ZMYM2: variants seen among roughly 807,000 people sequenced by gnomAD.
The protein encoded by ZMYM2 is zinc finger MYM-type containing 2.
Under a neutral mutation model 162.8 loss-of-function variants are expected in ZMYM2, and 56 were observed. The observed-to-expected ratio is 0.34, with a 90% CI of 0.28 to 0.43. The LOEUF is 0.43. Among genes scored for constraint, ZMYM2 ranks in the 20% least tolerant of loss-of-function variants. The pLI is 1.00. For synonymous variants in ZMYM2, 510 were observed against 541.6 expected, an observed-to-expected ratio of 0.94 and a Z score of 0.81; for missense variants, 1,275 against 1,621.8, an observed-to-expected ratio of 0.79 and a Z score of 3.67.
intron 2 of ZMYM2, among the ~76,000 whole-genome samples, chr13:19,962,914 A>T (rs1313522107): frequency 7.0e-6 from 1 of 142,660 alleles, no homozygotes; most frequent in African/African-American, 2.6e-5. Context: ...CTCCGCCTCC[A>T]GGGTTCAAGC....
In ZMYM2 at chr13:20,027,257, C is replaced by T; in HGVS notation, c.1790C>T (p.Ala597Val). 3.2e-6 allele frequency: 5 copies of T among 1,586,496 alleles called. No individual in the cohort carries two copies. The highest frequency in any genetic ancestry group is 4.3e-6 in the Non-Finnish European group (5 of 1,164,536). The stretch of plus-strand genomic sequence containing the variant: ...CGAAACTCTTTACCTCAATACCAAG[C>T]CACAATGCCTGATGGAAAACTGTAC... ...CKRNSLPQYQ[A>V]TMPDGKLYNF... is the part of the protein sequence containing the mutation. The change falls in exon 9 of 25, where the codon GCC becomes GTC. Residue 597 changes from alanine to valine, a missense_variant. This residue lies in a region of ZMYM2 where 276 missense variants were observed against 311.8 expected (regional missense o/e 0.89). Coordinates refer to ENST00000610343, the MANE Select transcript of ZMYM2 (RefSeq NM_197968.4).
the ZMYM2 span, among the ~76,000 whole-genome samples, chr13:19,918,611 G>T: frequency 7.0e-6 from 1 of 142,408 alleles, no homozygotes; most frequent in Non-Finnish European, 1.5e-5. Flanking sequence ...CGATTCTCCT[G>T]CCCCAGCCTC....
At chr13:19,996,553 C>T (rs1950032779) in intron 3 of ZMYM2, among the ~76,000 whole-genome samples, 1 of 152,096 alleles carries the variant, frequency 6.6e-6, no homozygotes, top group African/African-American at 2.4e-5. Context: ...ATGGTGAAAC[C>T]CCATCTCAAC....
At chr13:20,030,433 C>CGA (rs1416201709) in intron 9 of ZMYM2, among the ~76,000 whole-genome samples, 1 of 143,522 alleles carries the variant, frequency 7.0e-6, no homozygotes, top group Non-Finnish European at 1.5e-5. Context: ...GAGTCTCGCT[C>CGA]TGTCGCCCAG....
At chr13:19,962,117 A>C (rs145227020) in intron 2 of ZMYM2, among the ~76,000 whole-genome samples, 88 of 152,310 alleles carry the variant, frequency 5.8e-4, no homozygotes, top group African/African-American at 2.0e-3. Context: ...CTCAAGTATG[A>C]CATATATGCT....
the ZMYM2 span, among the ~76,000 whole-genome samples, chr13:19,922,294 T>C: frequency 6.6e-6 from 1 of 152,116 alleles, no homozygotes; most frequent in Non-Finnish European, 1.5e-5. Context: ...CTCATTGGTT[T>C]ACAAAAATAA....
intron 24 of ZMYM2, 86 bp from the exon 25 acceptor site, chr13:20,085,736 T>C (rs1958222839): frequency 8.1e-7 from 1 of 1,231,576 alleles, no homozygotes; most frequent in Non-Finnish European, 1.1e-6. Flanking sequence ...ACGTGATTAA[T>C]GGGGTCTGAA....
chr13:19,883,764 A>AT, the ZMYM2 span, among the ~76,000 whole-genome samples: 5 of 152,040 alleles, frequency 3.3e-5, no homozygotes, highest in Admixed American at 2.0e-4. Flanking sequence ...ATATATATAT[A>AT]TTTTTTTGAG....
chr13:20,059,539 G>C lies in ZMYM2; in HGVS notation c.2716G>C (p.Val906Leu). 1 of 1,310,514 alleles carries C rather than the reference G, an allele frequency of 7.6e-7. No homozygotes were observed. Among genetic ancestry groups the C allele is most frequent in the Non-Finnish European group, 1.1e-6 (1 of 903,234 alleles). 81.2% of individuals were successfully genotyped at this position (1,310,514 alleles called of 1,614,324 possible). Residue 906 changes from valine (V) to leucine (L), a missense_variant, in exon 16 of 25, where the codon GTT becomes CTT. Transcript: ENST00000610343. ...GCACATGTACAGTCAGAATATTCCT[G>C]TTCCTACTACAGTTCCTGTTCCTGT... ...PMHMYSQNIP[V>L]PTTVPVPVPV... is the part of the protein sequence containing the mutation.
chr13:20,049,973 T>C (rs750624169), intron 12 of ZMYM2, among the ~76,000 whole-genome samples: 1 of 152,002 alleles, frequency 6.6e-6, no homozygotes, highest in African/African-American at 2.4e-5. Flanking sequence ...GGAACAATTC[T>C]ATGGTTATTT....
At chr13:19,894,230 T>C in the ZMYM2 span, among the ~76,000 whole-genome samples, 1 of 151,966 alleles carries the variant, frequency 6.6e-6, no homozygotes, top group East Asian at 1.9e-4. Flanking sequence ...CTTAACCTAC[T>C]TAACATCATA....
At chr13:20,042,387 T>C (rs868463345) in intron 12 of ZMYM2, among the ~76,000 whole-genome samples, 49 of 152,158 alleles carry the variant, frequency 3.2e-4, no homozygotes, top group African/African-American at 1.2e-3. Context: ...ATTCTCGTAG[T>C]GTGTTTTTCA....
intron 6 of ZMYM2, among the ~76,000 whole-genome samples, chr13:20,016,183 T>A (rs1475792849): frequency 6.6e-6 from 1 of 152,060 alleles, no homozygotes; most frequent in Non-Finnish European, 1.5e-5. Context: ...AATATATTAT[T>A]TGTGGTTACT....
chr13:20,015,483 T>C (rs1035409180), intron 6 of ZMYM2, among the ~76,000 whole-genome samples: 1 of 152,234 alleles, frequency 6.6e-6, no homozygotes, highest in African/African-American at 2.4e-5. Context: ...TAGTTTATAT[T>C]GTTGTTCAAG....
intron 9 of ZMYM2, among the ~76,000 whole-genome samples, chr13:20,030,993 C>T (rs768104397): frequency 4.6e-5 from 7 of 152,134 alleles, no homozygotes; most frequent in Middle Eastern, 3.4e-3. Flanking sequence ...TAGTTCAGAA[C>T]GTGGGCAACT....
intron 12 of ZMYM2, among the ~76,000 whole-genome samples, chr13:20,038,068 A>G (rs1460682443): frequency 6.6e-6 from 1 of 152,082 alleles, no homozygotes. Context: ...TTCCTGTGTT[A>G]GTTTGCTAAG....
At chr13:19,964,390 A>T (rs2139127031) in intron 2 of ZMYM2, among the ~76,000 whole-genome samples, 1 of 152,136 alleles carries the variant, frequency 6.6e-6, no homozygotes, top group Middle Eastern at 3.4e-3. Context: ...ATAAAAAAAA[A>T]AATAAAGTGA....
chr13:20,015,758 A>T (rs1056783982), intron 6 of ZMYM2, among the ~76,000 whole-genome samples: 6 of 152,104 alleles, frequency 3.9e-5, no homozygotes, highest in Admixed American at 3.9e-4. Context: ...AGTTTTTCAC[A>T]TATAGGCTCT....
the ZMYM2 span, among the ~76,000 whole-genome samples, chr13:19,949,055 A>T: frequency 2.6e-5 from 4 of 151,722 alleles, no homozygotes; most frequent in Admixed American, 2.6e-4. Flanking sequence ...GGATTGCTTG[A>T]GCTGAGTTCA....
Sources: allele counts gnomAD v4.1 joint callset (sites outside exome capture counted in the v4.1 genomes callset), GRCh38; gene constraint gnomAD v4.1.1; regional missense constraint gnomAD v4.1.1; transcripts MANE v1.5; gene names NCBI Gene and HGNC (gene_info 2026-07-23, HGNC 2026-07-21).